The following DLC1 variants were observed in gnomAD, a reference collection of about 807,000 sequenced individuals.
DLC1 encodes the protein DLC1 Rho GTPase activating protein.
In DLC1, 54 loss-of-function variants were observed where a neutral mutation model predicts 140.3. The ratio of observed to expected loss-of-function variants is 0.38; its 90% confidence interval spans 0.31 to 0.48. DLC1 has a LOEUF of 0.48. Among genes scored for constraint, DLC1 ranks in the 20% least tolerant of loss-of-function variants. The pLI, the probability that DLC1 is intolerant of heterozygous loss-of-function variation, is 0.96. For missense variants in DLC1, 2,536 were observed against 1,907.0 expected (o/e 1.33, Z -6.14); for synonymous variants, 986 against 728.1 (o/e 1.35, Z -5.70).
At position 13,115,583 on chromosome 8, in the gene DLC1, T is replaced by C; in HGVS notation, c.1420+3A>G. The C allele has an allele frequency of 6.2e-7, 1 of 1,612,142 alleles. No homozygotes were observed. The highest frequency in any genetic ancestry group is 8.5e-7 in the Non-Finnish European group (1 of 1,179,274). ...CTTTTAAAAAGTGGCATTCCCAGCT[T>C]ACCTTCATAAAGCTGTGCATACTGG... is the stretch of plus-strand genomic sequence containing the variant. On this transcript the variant is annotated splice_donor_region_variant and intron_variant, in intron 6 of 17. Transcript: ENST00000276297.
intron 7 of DLC1, among the ~76,000 whole-genome samples, 169 bp downstream of exon 7, chr8:13,110,573 A>C (rs1439153978): frequency 6.6e-6 from 1 of 152,248 alleles, no homozygotes; most frequent in Non-Finnish European, 1.5e-5. Context: ...AATACTAAAT[A>C]ACAATATTTT....
In DLC1 at chr8:13,319,961, T is replaced by C. The variant is rs184143341; in HGVS notation, c.1315-14659A>G. Among the ~76,000 whole-genome samples the C allele has an allele frequency of 2.1e-3, 325 of 151,812 alleles. 3 individuals carry two copies. The highest frequency in any genetic ancestry group is 7.2e-3 in the African/African-American group (298 of 41,434). ...TCTCAGCCTCCCAAGTAGCTGGGGT[T>C]ACAGGTGCACGCCACCACGCCCAGC... On this transcript the variant is annotated intron_variant, in intron 4 of 17. Transcript: ENST00000276297.
At chr8:13,376,760 G>C (rs1449951808) in intron 4 of DLC1, among the ~76,000 whole-genome samples, 1 of 152,172 alleles carries the variant, frequency 6.6e-6, no homozygotes, top group East Asian at 1.9e-4. Flanking sequence ...CACCCACAGA[G>C]GAGTTAGAGG....
intron 1 of DLC1, among the ~76,000 whole-genome samples, chr8:13,600,311 A>T (rs1805832875): frequency 6.6e-6 from 1 of 151,930 alleles, no homozygotes; most frequent in Non-Finnish European, 1.5e-5. Flanking sequence ...TTAAGTAAGA[A>T]GAGACCAGTT....
chr8:13,524,540 A>G lies in DLC1; in HGVS notation c.-125-24344T>C, dbSNP rs547543635. Among the ~76,000 whole-genome samples, 5 of 152,308 alleles carry G rather than the reference A, an allele frequency of 3.3e-5. No individual in the cohort carries two copies. In the South Asian group the frequency reaches 1.0e-3, roughly 32 times the overall value. On this transcript the variant is annotated intron_variant, in intron 1 of 1. Transcript: ENST00000631382. ...TCTATGAAACAAAAAATTGTTTTACAATTTGGCACATAGTCATCTGCATGA... is the reference window on the plus strand; with the variant it reads ...TCTATGAAACAAAAAATTGTTTTACGATTTGGCACATAGTCATCTGCATGA...
intron 4 of DLC1, among the ~76,000 whole-genome samples, chr8:13,329,940 T>C (rs1275420407): frequency 1.3e-5 from 2 of 152,128 alleles, no homozygotes; most frequent in Non-Finnish European, 2.9e-5. Flanking sequence ...AGAACATTGC[T>C]TCATTATCCA....
At chr8:13,313,609 G>T (rs1832762350) in intron 4 of DLC1, among the ~76,000 whole-genome samples, 1 of 152,088 alleles carries the variant, frequency 6.6e-6, no homozygotes, top group Admixed American at 6.6e-5. Context: ...TTGTTAATAT[G>T]AGATTAAAAA....
chr8:13,440,338 T>C (rs1405520761), intron 2 of DLC1, among the ~76,000 whole-genome samples: 1 of 152,192 alleles, frequency 6.6e-6, no homozygotes, highest in Non-Finnish European at 1.5e-5. Context: ...CAAATGCTAC[T>C]AATACAAGCT....
At chr8:13,221,368 TC>T (rs1340537512) in intron 5 of DLC1, among the ~76,000 whole-genome samples, 1 of 147,824 alleles carries the variant, frequency 6.8e-6, no homozygotes, top group Non-Finnish European at 1.5e-5. Flanking sequence ...GGTTTTCTTT[TC>T]TTTTTTTTTT....
At chr8:13,136,170 A>C (rs1822548285) in intron 5 of DLC1, among the ~76,000 whole-genome samples, 1 of 152,214 alleles carries the variant, frequency 6.6e-6, no homozygotes, top group South Asian at 2.1e-4. Flanking sequence ...GTTTATGATT[A>C]ATATGTTATT....
chr8:13,477,287 T>C (rs553882871), intron 2 of DLC1, among the ~76,000 whole-genome samples: 3 of 152,304 alleles, frequency 2.0e-5, no homozygotes, highest in African/African-American at 4.8e-5. Context: ...GCGTGGAAGA[T>C]GTAGCTTTGG....
At chr8:13,559,794 G>T (rs117373401) in intron 1 of DLC1, among the ~76,000 whole-genome samples, 1 of 152,066 alleles carries the variant, frequency 6.6e-6, no homozygotes, top group Non-Finnish European at 1.5e-5. Flanking sequence ...TTCTGTGTTC[G>T]TTTTATACAT....
At chr8:13,551,859 A>AGT (rs202123187) in intron 1 of DLC1, among the ~76,000 whole-genome samples, 38 of 124,244 alleles carry the variant, frequency 3.1e-4, no homozygotes, top group Non-Finnish European at 4.9e-4. Context: ...CCTCTAGACA[A>AGT]GTGTGTGTAT....
chr8:13,586,589 G>A (rs1016087967), intron 1 of DLC1, among the ~76,000 whole-genome samples: 7 of 142,950 alleles, frequency 4.9e-5, no homozygotes, highest in African/African-American at 7.9e-5. Context: ...AGATGCACAT[G>A]CACACACACA....
chr8:13,477,254 G>A (rs1487895831), intron 2 of DLC1, among the ~76,000 whole-genome samples: 4 of 152,104 alleles, frequency 2.6e-5, no homozygotes, highest in Non-Finnish European at 5.9e-5. Flanking sequence ...TCCTTCCTCA[G>A]TGAAGATATC....
chr8:13,379,539 T>C (rs289519), intron 4 of DLC1, among the ~76,000 whole-genome samples: 101,104 of 152,104 alleles, frequency 0.66, 34,097 homozygotes, highest in East Asian at 0.84. Context: ...GAATACTCTA[T>C]TGAAAACATA....
At chr8:13,388,016 A>C (rs1481959186) in intron 4 of DLC1, among the ~76,000 whole-genome samples, 1 of 152,040 alleles carries the variant, frequency 6.6e-6, no homozygotes. Flanking sequence ...AATTATATAT[A>C]AAATATGTAA....
In DLC1 at chr8:13,094,908, C is replaced by T. The variant is rs768083195; in HGVS notation, c.3377G>A (p.Arg1126His). The T allele has an allele frequency of 2.2e-5, 35 of 1,614,202 alleles. No individual in the cohort carries two copies. The highest frequency in any genetic ancestry group is 3.3e-4 in the Middle Eastern group (2 of 6,062). The change falls in exon 12 of 18, where the codon CGC (arginine) becomes CAC (histidine). Residue 1126 changes from arginine (R) to histidine (H), a missense_variant. By Grantham distance (29) the Arg-to-His change is conservative (BLOSUM62 0). Transcript: ENST00000276297. ...SGVKSRIQAL[R>H]QMNEGAIDCV... The stretch of plus-strand genomic sequence containing the variant: ...GTCTATGGCACCTTCATTCATCTGG[C>T]GCAGAGCCTGAATCCGGGACTTGAC...
At chr8:13,324,158 G>T (rs1833239040) in intron 4 of DLC1, among the ~76,000 whole-genome samples, 1 of 152,146 alleles carries the variant, frequency 6.6e-6, no homozygotes, top group Admixed American at 6.5e-5. Context: ...TGTTGCTGCA[G>T]ATTTTTTTCA....
Sources: allele counts gnomAD v4.1 joint callset (sites outside exome capture counted in the v4.1 genomes callset), GRCh38; gene constraint gnomAD v4.1.1; transcripts MANE v1.5; gene names NCBI Gene and HGNC (gene_info 2026-07-23, HGNC 2026-07-21).